IQGAP2: variants seen among roughly 807,000 people sequenced by gnomAD.
The protein encoded by IQGAP2 is IQ motif containing GTPase activating protein 2.
In IQGAP2, 173 loss-of-function variants were observed where a neutral mutation model predicts 201.3. That is an observed-to-expected ratio of 0.86 (90% CI 0.76 to 0.98). IQGAP2 has a LOEUF of 0.98. IQGAP2 is among the 50% of genes least tolerant of loss of function. The pLI is 0.00. For synonymous variants in IQGAP2, 675 were observed against 673.9 expected (o/e 1.00, Z -0.03); for missense variants, 1,687 against 1,864.8 (o/e 0.90, Z 1.76).
At chr5:76,661,194 A>T in intron 21 of IQGAP2, among the ~76,000 whole-genome samples, 1 of 150,204 alleles carries the variant, frequency 6.7e-6, no homozygotes, top group East Asian at 2.0e-4. Flanking sequence ...GAACAATGCT[A>T]GCTCTTGCTA....
chr5:76,626,265 C>CTTTTTTT (rs1750218703), intron 13 of IQGAP2, among the ~76,000 whole-genome samples: 1 of 57,480 alleles, frequency 1.7e-5, no homozygotes, highest in Non-Finnish European at 3.4e-5. Flanking sequence ...TTTTTTTCTT[C>CTTTTTTT]TTTTCTTTTT....
At chr5:76,534,831 C>T (rs1759524495) in intron 2 of IQGAP2, among the ~76,000 whole-genome samples, 1 of 152,204 alleles carries the variant, frequency 6.6e-6, no homozygotes, top group African/African-American at 2.4e-5. Flanking sequence ...GAGTGAAAAA[C>T]ATTTACTAAG....
intron 7 of IQGAP2, 39 bp downstream of exon 7, chr5:76,589,767 G>A: frequency 9.1e-7 from 1 of 1,099,666 alleles, no homozygotes; most frequent in East Asian, 2.6e-5. Flanking sequence ...ATGGATGTGA[G>A]ACTTACCTGT....
chr5:76,522,659 G>GTA (rs1758755764), intron 2 of IQGAP2, among the ~76,000 whole-genome samples: 1 of 152,214 alleles, frequency 6.6e-6, no homozygotes, highest in Non-Finnish European at 1.5e-5. Context: ...ACGTGACAGT[G>GTA]TATGATTCAT....
At position 76,496,755 on chromosome 5, in the gene IQGAP2, TTC is replaced by T. The variant is rs1561416461; in HGVS notation, c.146+35088_146+35089del. ...TTTCTTTCTTTCTTTCTTTCTTTCT[TTC>T]TTTCTTTCTTTCTTTCTTTCTTTCT... On this transcript the variant is annotated intron_variant, in intron 2 of 35. Coordinates refer to ENST00000274364, the MANE Select transcript of IQGAP2 (RefSeq NM_006633.5). 3.9e-3 allele frequency among the ~76,000 whole-genome samples: 316 copies of T among 80,268 alleles called. 7 individuals are homozygous for T. Among genetic ancestry groups the T allele is most frequent in the African/African-American group, 0.017 (305 of 17,946 alleles). The allele number at this position is 80,268 out of a possible 152,430, so 52.7% of individuals were successfully genotyped here. A position where few individuals can be genotyped will look rare whatever the true frequency, so the allele number is the denominator to read the frequency against.
At chr5:76,696,022 G>A (rs1746705638) in intron 32 of IQGAP2, among the ~76,000 whole-genome samples, 1 of 151,786 alleles carries the variant, frequency 6.6e-6, no homozygotes, top group African/African-American at 2.4e-5. Context: ...TGTATTTTTA[G>A]TAGAGACGGG....
chr5:76,543,914 G>A (rs1175059358), intron 2 of IQGAP2, among the ~76,000 whole-genome samples: 1 of 152,132 alleles, frequency 6.6e-6, no homozygotes, highest in Non-Finnish European at 1.5e-5. Context: ...TGATGTCTAT[G>A]TCAATACAGA....
At chr5:76,618,840 A>G (rs1749295869) in intron 13 of IQGAP2, among the ~76,000 whole-genome samples, 1 of 152,254 alleles carries the variant, frequency 6.6e-6, no homozygotes, top group African/African-American at 2.4e-5. Flanking sequence ...TTGTGCGGAA[A>G]CAAAAACTAA....
intron 21 of IQGAP2, among the ~76,000 whole-genome samples, chr5:76,661,805 AAAGCCC>A (rs1743273717): frequency 6.6e-6 from 1 of 152,182 alleles, no homozygotes; most frequent in Admixed American, 6.6e-5. Context: ...TTATGACTCC[AAAGCCC>A]AAGCCCAAGC....
At chr5:76,520,955 C>A (rs768343467) in intron 2 of IQGAP2, among the ~76,000 whole-genome samples, 6 of 152,122 alleles carry the variant, frequency 3.9e-5, no homozygotes, top group Non-Finnish European at 8.8e-5. Context: ...GTTCCACCCG[C>A]CTCAGCCTCC....
chr5:76,514,756 C>A (rs1225660146), intron 2 of IQGAP2, among the ~76,000 whole-genome samples: 1 of 152,164 alleles, frequency 6.6e-6, no homozygotes, highest in Non-Finnish European at 1.5e-5. Flanking sequence ...CTTGCCTCCC[C>A]CTCCCCCTCA....
chr5:76,548,636 C>A (rs1300915094), intron 2 of IQGAP2, among the ~76,000 whole-genome samples: 1 of 152,198 alleles, frequency 6.6e-6, no homozygotes, highest in African/African-American at 2.4e-5. Context: ...ACTTAACTCT[C>A]TGAGCCTCTT....
intron 2 of IQGAP2, among the ~76,000 whole-genome samples, chr5:76,524,814 G>A (rs547546705): frequency 6.6e-6 from 1 of 152,272 alleles, no homozygotes; most frequent in Admixed American, 6.5e-5. Flanking sequence ...GGAATATTTT[G>A]CAGTGTAAGA....
chr5:76,680,889 G>C (rs1745222752), intron 28 of IQGAP2, among the ~76,000 whole-genome samples: 1 of 150,972 alleles, frequency 6.6e-6, no homozygotes, highest in East Asian at 1.9e-4. Flanking sequence ...TGGATCACTT[G>C]AGGCCAGGAG....
chr5:76,506,913 C>CAGTT (rs1757634122), intron 2 of IQGAP2, among the ~76,000 whole-genome samples: 1 of 152,108 alleles, frequency 6.6e-6, no homozygotes. Context: ...AGATAGGAAC[C>CAGTT]CTCCATGTTG....
At chr5:76,607,479 G>A (rs1747894433) in intron 12 of IQGAP2, 1 of 152,162 alleles carries the variant, frequency 6.6e-6, no homozygotes, top group Admixed American at 6.5e-5. Flanking sequence ...TTTTCAAGTT[G>A]TGCACAAATC....
intron 2 of IQGAP2, among the ~76,000 whole-genome samples, chr5:76,528,965 G>A (rs1365423441): frequency 6.6e-6 from 1 of 152,214 alleles, no homozygotes; most frequent in Non-Finnish European, 1.5e-5. Flanking sequence ...AAGGGCAAAA[G>A]CACCATGAGA....
In IQGAP2 at chr5:76,674,530, A is replaced by C. The variant is rs759859324; in HGVS notation, c.3348A>C (p.Pro1116=). 1 of 1,614,120 alleles carries C rather than the reference A, an allele frequency of 6.2e-7. No individual in the cohort carries two copies. Among genetic ancestry groups the C allele is most frequent in the Non-Finnish European group, 8.5e-7 (1 of 1,179,946 alleles). The change falls in exon 27 of 36, where the codon CCA becomes CCC. Residue 1116 remains proline (P), a synonymous_variant. Transcript: ENST00000274364. ...ACATGAATCCAGCCATTGTAGCTCC[A>C]GATGGCTTTGATATCATCGACATGA... The part of the protein sequence containing the change: ...YRYMNPAIVA[P]DGFDIIDMTA...
At chr5:76,535,140 G>A (rs548638832) in intron 2 of IQGAP2, among the ~76,000 whole-genome samples, 2 of 152,260 alleles carry the variant, frequency 1.3e-5, no homozygotes, top group South Asian at 4.1e-4. Context: ...ATGATGCTGA[G>A]GGCAGTAGAT....
Sources: allele counts gnomAD v4.1 joint callset (sites outside exome capture counted in the v4.1 genomes callset), GRCh38; gene constraint gnomAD v4.1.1; transcripts MANE v1.5; gene names NCBI Gene and HGNC (gene_info 2026-07-23, HGNC 2026-07-21).